CFAP58: variants seen among roughly 807,000 people sequenced by gnomAD.
CFAP58 encodes cilia- and flagella-associated protein 58.
CFAP58 carries 88 observed loss-of-function variants against 119.5 expected under a neutral mutation model. That is an observed-to-expected ratio of 0.74 (90% confidence interval 0.62 to 0.88). The LOEUF (loss-of-function observed/expected upper bound fraction) is 0.88. Among genes scored for constraint, CFAP58 ranks in the 40% least tolerant of loss-of-function variants. CFAP58 has a pLI of 0.00. For synonymous variants in CFAP58, 365 were observed against 366.3 expected (o/e 1.00, Z 0.04); for missense variants, 990 against 1,021.2 (o/e 0.97, Z 0.42).
At chr10:104,376,397 C>T (rs901329179) in intron 7 of CFAP58, among the ~76,000 whole-genome samples, 2 of 148,590 alleles carry the variant, frequency 1.3e-5, no homozygotes, top group Non-Finnish European at 3.0e-5. Flanking sequence ...CCCAGCTGCT[C>T]GAGAGGTTGA....
intron 12 of CFAP58, among the ~76,000 whole-genome samples, 160 bp from the exon 13 acceptor site, chr10:104,400,520 C>T (rs1273662286): frequency 1.3e-5 from 2 of 152,032 alleles, no homozygotes; most frequent in Non-Finnish European, 2.9e-5. Flanking sequence ...TGGGAGGGGT[C>T]CAGTGTTGAT....
intron 9 of CFAP58, chr10:104,382,241 A>T (rs1031333858): frequency 5.6e-6 from 4 of 714,670 alleles, no homozygotes; most frequent in Non-Finnish European, 1.0e-5. Flanking sequence ...CTACCCACTC[A>T]TATTCCACCG....
At chr10:104,405,487 G>A (rs2012343717) in intron 14 of CFAP58, among the ~76,000 whole-genome samples, 1 of 152,274 alleles carries the variant, frequency 6.6e-6, no homozygotes, top group Non-Finnish European at 1.5e-5. Flanking sequence ...CTGGGAGGCA[G>A]TTGAAAATAT....
rs953064697 is a variant in CFAP58, at chr10:104,365,034, T to C, written c.597+145T>C. 10 of 787,964 alleles carry C rather than the reference T, an allele frequency of 1.3e-5. No individual in the cohort carries two copies. The Admixed American group carries it at 2.0e-4, about 16-fold the overall frequency. 48.8% of individuals were successfully genotyped at this position (787,964 alleles called of 1,614,324 possible). ...TCCTCAGTTCTGCTTGTTTCTTTAG[T>C]TTGTTCTCTTGAGAGGAGCTTTACT... On this transcript the variant is annotated intron_variant, in intron 4 of 17. Transcript: ENST00000369704.
At chr10:104,432,312 G>A (rs2012861683) in intron 15 of CFAP58, among the ~76,000 whole-genome samples, 1 of 152,200 alleles carries the variant, frequency 6.6e-6, no homozygotes, top group Admixed American at 6.5e-5. Flanking sequence ...GAATAAATTG[G>A]TAGAGATAAT....
chr10:104,431,557 C>T (rs1412132391), intron 15 of CFAP58, among the ~76,000 whole-genome samples: 1 of 151,996 alleles, frequency 6.6e-6, no homozygotes, highest in African/African-American at 2.4e-5. Flanking sequence ...TATAATAGAA[C>T]ACAACCAGTC....
intron 7 of CFAP58, among the ~76,000 whole-genome samples, 154 bp downstream of exon 7, chr10:104,371,208 G>T (rs997834836): frequency 6.6e-6 from 1 of 152,010 alleles, no homozygotes; most frequent in Non-Finnish European, 1.5e-5. Flanking sequence ...ATGGGGTGGG[G>T]TGGGGGGCAT....
chr10:104,380,338 A>G, intron 9 of CFAP58, 118 bp downstream of exon 9: 1 of 1,015,458 alleles, frequency 9.8e-7, no homozygotes, highest in Non-Finnish European at 1.4e-6. Context: ...AATTTGTGTG[A>G]AGATTTGGGA....
chr10:104,374,170 A>G (rs906139042), intron 7 of CFAP58, among the ~76,000 whole-genome samples: 8 of 152,112 alleles, frequency 5.3e-5, no homozygotes, highest in Non-Finnish European at 7.4e-5. Flanking sequence ...TTAAAAATCC[A>G]CAAAAGAGGT....
At chr10:104,446,028 A>G (rs972348732) in intron 15 of CFAP58, among the ~76,000 whole-genome samples, 1 of 152,228 alleles carries the variant, frequency 6.6e-6, no homozygotes, top group African/African-American at 2.4e-5. Flanking sequence ...AGGTGAGCTG[A>G]AAGAAATGGA....
At chr10:104,428,588 A>C (rs1431639350) in intron 15 of CFAP58, among the ~76,000 whole-genome samples, 1 of 152,066 alleles carries the variant, frequency 6.6e-6, no homozygotes, top group African/African-American at 2.4e-5. Context: ...TTTTAAAGAG[A>C]GGGATGGGAT....
chr10:104,365,006 A>C, intron 4 of CFAP58, 117 bp downstream of exon 4: 4 of 985,080 alleles, frequency 4.1e-6, no homozygotes, highest in Non-Finnish European at 6.0e-6. Context: ...CCCAAATGAA[A>C]CATCCTCAGT....
At chr10:104,376,502 C>CAAAAAAAA (rs1282859666) in intron 7 of CFAP58, among the ~76,000 whole-genome samples, 2 of 48,244 alleles carry the variant, frequency 4.1e-5, no homozygotes, top group African/African-American at 6.7e-5. Flanking sequence ...AACTCCGTCT[C>CAAAAAAAA]AAAAAAAAAA....
chr10:104,340,513 A>AC, the CFAP58 span, among the ~76,000 whole-genome samples: 4 of 152,128 alleles, frequency 2.6e-5, no homozygotes. Context: ...TGGATTGGAC[A>AC]CCCCTCCTGT....
At chr10:104,379,860 G>A (rs2011747096) in intron 8 of CFAP58, among the ~76,000 whole-genome samples, 169 bp from the exon 9 acceptor site, 1 of 152,190 alleles carries the variant, frequency 6.6e-6, no homozygotes, top group Non-Finnish European at 1.5e-5. Flanking sequence ...AAAGTGCCTT[G>A]TGCAAAATTA....
intron 15 of CFAP58, among the ~76,000 whole-genome samples, 156 bp downstream of exon 15, chr10:104,406,949 A>G (rs574397982): frequency 6.6e-6 from 1 of 152,232 alleles, no homozygotes; most frequent in Non-Finnish European, 1.5e-5. Flanking sequence ...GCACAGCCTG[A>G]TTAATTGGTC....
At chr10:104,400,500 A>G (rs2012241243) in intron 12 of CFAP58, among the ~76,000 whole-genome samples, 180 bp from the exon 13 acceptor site, 1 of 152,152 alleles carries the variant, frequency 6.6e-6, no homozygotes, top group Admixed American at 6.5e-5. Context: ...GGTGTTTTCA[A>G]AAACTCTAAT....
In CFAP58 at chr10:104,365,931, A is replaced by G; in HGVS notation, c.715A>G (p.Ile239Val). 1 of 1,613,652 alleles carries G rather than the reference A, an allele frequency of 6.2e-7. No individual in the cohort carries two copies. The highest frequency in any genetic ancestry group is 8.5e-7 in the Non-Finnish European group (1 of 1,179,782). Residue 239 changes from isoleucine (I) to valine (V), a missense_variant, in exon 5 of 18, where the codon ATA becomes GTA. By Grantham distance (29) the Ile-to-Val change is conservative. Coordinates refer to ENST00000369704, the MANE Select transcript of CFAP58 (RefSeq NM_001008723.2). ...QADMDSRQTE[I>V]KALQQYVQKS... The stretch of plus-strand genomic sequence containing the variant: ...AGACATGGACAGCAGGCAGACAGAA[A>G]TAAAAGCCCTGCAGCAGTATGTGCA...
the CFAP58 span, among the ~76,000 whole-genome samples, chr10:104,345,130 G>A: frequency 2.6e-5 from 4 of 151,704 alleles, no homozygotes; most frequent in Non-Finnish European, 5.9e-5. Context: ...CTGGGCGACA[G>A]AGTGAGACTC....
Sources: allele counts gnomAD v4.1 joint callset (sites outside exome capture counted in the v4.1 genomes callset), GRCh38; gene constraint gnomAD v4.1.1; transcripts MANE v1.5; gene names NCBI Gene and HGNC (gene_info 2026-07-23, HGNC 2026-07-21).